ADGRL3: variants seen among roughly 807,000 people sequenced by gnomAD.
ADGRL3 encodes calcium-independent alpha-latrotoxin receptor 3.
ADGRL3 carries 62 observed loss-of-function variants against 153.5 expected under a neutral mutation model. The ratio of observed to expected loss-of-function variants is 0.40; its 90% CI spans 0.33 to 0.50. The LOEUF (loss-of-function observed/expected upper bound fraction) is 0.50, where lower values mean the gene tolerates loss of function less well. Ranked by LOEUF, ADGRL3 falls within the 20% of genes least tolerant of loss-of-function variation. ADGRL3 has a pLI of 0.47. For synonymous variants in ADGRL3, 710 were observed against 672.5 expected, an observed-to-expected ratio of 1.06 and a Z score of -0.86; for missense variants, 1,641 against 1,859.4, an observed-to-expected ratio of 0.88 and a Z score of 2.16.
chr4:61,401,062 A>C (rs568364469), intron 2 of ADGRL3, among the ~76,000 whole-genome samples: 1 of 150,714 alleles, frequency 6.6e-6, no homozygotes, highest in African/African-American at 2.4e-5. Context: ...TGGAAGGAAG[A>C]TTCTTTTTTT....
At chr4:61,228,190 A>G (rs1211407664) in intron 1 of ADGRL3, among the ~76,000 whole-genome samples, 1 of 152,112 alleles carries the variant, frequency 6.6e-6, no homozygotes, top group Non-Finnish European at 1.5e-5. Flanking sequence ...GACTTTTTAA[A>G]AAGTAATGAC....
At chr4:61,892,192 T>TTG (rs2149598149) in intron 9 of ADGRL3, among the ~76,000 whole-genome samples, 1 of 152,064 alleles carries the variant, frequency 6.6e-6, no homozygotes, top group Admixed American at 6.6e-5. Context: ...CTTTTTTTTT[T>TTG]TTTGTCCTCT....
At chr4:62,041,177 G>A (rs1002617754) in intron 24 of ADGRL3, among the ~76,000 whole-genome samples, 1 of 152,050 alleles carries the variant, frequency 6.6e-6, no homozygotes, top group African/African-American at 2.4e-5. Context: ...CTACATTGTA[G>A]ATAATGCAGG....
rs1746575800 is a variant in ADGRL3, at chr4:62,074,574, TAATA to T, written c.*3670_*3673del. 1 of 152,108 alleles carries T rather than the reference TAATA, an allele frequency of 6.6e-6. No individual in the cohort carries two copies. Among genetic ancestry groups the T allele is most frequent in the African/African-American group, 2.4e-5 (1 of 41,418 alleles). The allele number at this position is 152,108 out of a possible 1,614,324, so 9.4% of individuals were successfully genotyped here. On this transcript the variant is annotated 3_prime_UTR_variant, in exon 27 of 27. Coordinates refer to ENST00000683033, the MANE Select transcript of ADGRL3 (RefSeq NM_001387552.1). ...TATAATTAAACACACTGAAGTTGAA[TAATA>T]AATTACTGTGCTAAAATAATTGTAA...
At chr4:62,005,926 T>C (rs1560494668) in intron 21 of ADGRL3, among the ~76,000 whole-genome samples, 1 of 145,366 alleles carries the variant, frequency 6.9e-6, no homozygotes, top group Non-Finnish European at 1.5e-5. Context: ...AATTTGCTAG[T>C]TTTTATTTTA....
At chr4:61,471,209 T>C (rs1474868718) in intron 2 of ADGRL3, among the ~76,000 whole-genome samples, 1 of 151,850 alleles carries the variant, frequency 6.6e-6, no homozygotes, top group African/African-American at 2.4e-5. Flanking sequence ...TTTTAGCATG[T>C]GAATATTCAA....
intron 6 of ADGRL3, among the ~76,000 whole-genome samples, chr4:61,714,221 G>GCACACA (rs57350284): frequency 1.3e-5 from 2 of 150,740 alleles, no homozygotes; most frequent in African/African-American, 2.4e-5. Flanking sequence ...TGTAAAATAC[G>GCACACA]CACACACACA....
At chr4:61,804,125 T>C (rs1013729994) in intron 8 of ADGRL3, among the ~76,000 whole-genome samples, 2 of 152,192 alleles carry the variant, frequency 1.3e-5, no homozygotes, top group Admixed American at 6.5e-5. Context: ...AATTAGGTGG[T>C]AAAATTCACT....
intron 4 of ADGRL3, among the ~76,000 whole-genome samples, chr4:61,525,285 G>C (rs556924337): frequency 6.6e-6 from 1 of 151,950 alleles, no homozygotes; most frequent in Non-Finnish European, 1.5e-5. Context: ...TAGATGAGAG[G>C]TAGTAGAGGA....
At chr4:61,515,925 T>G (rs2098491201) in intron 3 of ADGRL3, among the ~76,000 whole-genome samples, 1 of 152,150 alleles carries the variant, frequency 6.6e-6, no homozygotes, top group Admixed American at 6.5e-5. Flanking sequence ...TTCGCAGCTT[T>G]TTGGTCTTGA....
chr4:61,728,183 T>A (rs1420867752), intron 6 of ADGRL3, among the ~76,000 whole-genome samples: 1 of 152,016 alleles, frequency 6.6e-6, no homozygotes, highest in African/African-American at 2.4e-5. Context: ...AAATATCAAA[T>A]AAATGATAAA....
At chr4:61,616,163 G>C (rs1477549109) in intron 5 of ADGRL3, among the ~76,000 whole-genome samples, 7 of 152,064 alleles carry the variant, frequency 4.6e-5, no homozygotes, top group Admixed American at 4.6e-4. Flanking sequence ...TAAGTTATTT[G>C]ATAGAAATAA....
chr4:61,839,647 A>G (rs2097995689), intron 9 of ADGRL3, among the ~76,000 whole-genome samples: 1 of 151,670 alleles, frequency 6.6e-6, no homozygotes, highest in Admixed American at 6.6e-5. Flanking sequence ...TGGAGATAAG[A>G]CATGTGAAAA....
At chr4:61,933,229 G>A (rs1196851975) in intron 13 of ADGRL3, among the ~76,000 whole-genome samples, 4 of 151,948 alleles carry the variant, frequency 2.6e-5, no homozygotes, top group Admixed American at 6.6e-5. Context: ...ACACTGAAGA[G>A]GTCCAAGTTC....
intron 21 of ADGRL3, among the ~76,000 whole-genome samples, chr4:62,011,150 A>T (rs2151251520): frequency 6.6e-6 from 1 of 152,220 alleles, no homozygotes; most frequent in East Asian, 1.9e-4. Flanking sequence ...AGGGGAGAAA[A>T]AATTTCTTTT....
intron 3 of ADGRL3, among the ~76,000 whole-genome samples, chr4:61,514,752 T>C (rs907545452): frequency 2.0e-5 from 3 of 152,214 alleles, no homozygotes; most frequent in Non-Finnish European, 4.4e-5. Context: ...TTGTATTCTT[T>C]AGTCTTACTC....
intron 2 of ADGRL3, among the ~76,000 whole-genome samples, chr4:61,424,835 G>A (rs2097257123): frequency 1.3e-5 from 2 of 152,092 alleles, no homozygotes; most frequent in South Asian, 4.1e-4. Context: ...CCTGCTCCAG[G>A]GATGGTCAAA....
At chr4:61,695,582 T>C (rs2095627237) in intron 6 of ADGRL3, among the ~76,000 whole-genome samples, 1 of 152,126 alleles carries the variant, frequency 6.6e-6, no homozygotes, top group Non-Finnish European at 1.5e-5. Context: ...ATTTCAAGAA[T>C]AGTAAATGGG....
intron 6 of ADGRL3, among the ~76,000 whole-genome samples, chr4:61,711,382 G>A (rs370214567): frequency 6.8e-6 from 1 of 147,226 alleles, no homozygotes; most frequent in African/African-American, 2.5e-5. Context: ...TGTCCTTTCC[G>A]TTACTGAAGT....
Sources: allele counts gnomAD v4.1 joint callset (sites outside exome capture counted in the v4.1 genomes callset), GRCh38; gene constraint gnomAD v4.1.1; transcripts MANE v1.5; gene names NCBI Gene and HGNC (gene_info 2026-07-23, HGNC 2026-07-21).